The following EPHB2 variants were observed in gnomAD, a reference collection of about 807,000 sequenced individuals.
EPHB2 encodes ephrin type-B receptor 2.
A neutral mutation model predicts 96.4 loss-of-function variants in EPHB2; 18 were observed. The observed-to-expected ratio is 0.19, with a 90% CI of 0.13 to 0.28. The LOEUF (loss-of-function observed/expected upper bound fraction) is 0.28, where lower values mean the gene tolerates loss of function less well. Among genes scored for constraint, EPHB2 ranks in the 10% least tolerant of loss-of-function variants. The pLI is 1.00. For synonymous variants in EPHB2, 506 were observed against 534.1 expected (o/e 0.95, Z 0.72); for missense variants, 989 against 1,355.4 (o/e 0.73, Z 4.25).
In EPHB2 at chr1:22,730,569, A is replaced by G. The variant is rs138033614; in HGVS notation, c.61+19526A>G. Among the ~76,000 whole-genome samples the G allele has an allele frequency of 7.8e-4, 118 of 152,186 alleles. No homozygotes were observed. The East Asian group carries it at 0.019, about 25-fold the overall frequency. ...GGGAGGGCCAGCGAGAGGAGGGATCAGGAAGGCCTTTCTGAGGAGGTGACG... is the reference window on the plus strand; with the variant it reads ...GGGAGGGCCAGCGAGAGGAGGGATCGGGAAGGCCTTTCTGAGGAGGTGACG... On this transcript the variant is annotated intron_variant, in intron 1 of 15. Coordinates refer to ENST00000374630, the MANE Select transcript of EPHB2 (RefSeq NM_017449.5).
intron 1 of EPHB2, among the ~76,000 whole-genome samples, chr1:22,766,651 G>A (rs1412785498): frequency 1.3e-5 from 2 of 152,124 alleles, no homozygotes; most frequent in Non-Finnish European, 2.9e-5. Flanking sequence ...GGAAGGAGTT[G>A]GGAGCCCATC....
rs187669832 is a variant in EPHB2 at position 22,858,540 on chromosome 1, G to T, written c.812-4497G>T. 6.6e-6 allele frequency among the ~76,000 whole-genome samples: 1 copy of T among 152,110 alleles called. No homozygotes were observed. The highest frequency in any genetic ancestry group is 1.5e-5 in the Non-Finnish European group (1 of 68,008). ...GGAGGAGGCCTTCCCAAGCCCACAC[G>T]CCCGTCAGAGGTACAACTGCCTTCC... is the stretch of plus-strand genomic sequence containing the variant. On this transcript the variant is annotated intron_variant, in intron 3 of 15. Transcript: ENST00000374630. The surrounding 1 kb of genome is among the most constrained non-coding windows in gnomAD (Gnocchi z 7.7).
chr1:22,821,834 C>T (rs1440211649), intron 3 of EPHB2, among the ~76,000 whole-genome samples: 2 of 152,116 alleles, frequency 1.3e-5, no homozygotes, highest in Non-Finnish European at 2.9e-5. Context: ...CTTTCCTGCT[C>T]GGACAGTCAG....
intron 3 of EPHB2, among the ~76,000 whole-genome samples, chr1:22,849,570 G>A (rs1409919292): frequency 5.3e-5 from 8 of 152,164 alleles, no homozygotes; most frequent in Non-Finnish European, 1.0e-4. Flanking sequence ...GCGGACCAGG[G>A]GATCCATATA....
intron 3 of EPHB2, among the ~76,000 whole-genome samples, chr1:22,843,680 A>G (rs1177615575): frequency 6.6e-6 from 1 of 152,196 alleles, no homozygotes; most frequent in Non-Finnish European, 1.5e-5. Flanking sequence ...AGCTGGGATT[A>G]CAGCCACCTG....
chr1:22,891,740 G>C (rs146567935), intron 6 of EPHB2, among the ~76,000 whole-genome samples: 85 of 152,052 alleles, frequency 5.6e-4, no homozygotes, highest in African/African-American at 1.9e-3. Flanking sequence ...GTACCCAAAG[G>C]CATGGACATT....
chr1:22,895,909 T>G (rs1235759731), intron 8 of EPHB2, among the ~76,000 whole-genome samples: 1 of 152,224 alleles, frequency 6.6e-6, no homozygotes, highest in Non-Finnish European at 1.5e-5. Flanking sequence ...ATTGTCCTGC[T>G]TTCTGCATGA....
chr1:22,913,996 G>A lies in EPHB2; in HGVS notation c.*426G>A. On this transcript the variant is annotated 3_prime_UTR_variant, in exon 16 of 16. Transcript: ENST00000374630. This position sits in a 1 kb window ranked among gnomAD's most constrained non-coding sequence, Gnocchi z 4.1. ...CTTTCAGAAAAACAAATGTGAAGGG[G>A]AGAGACAGGGGCCGCCCTTGGCTCC... is the stretch of plus-strand genomic sequence containing the variant. 7.6e-7 allele frequency: 1 copy of A among 1,311,316 alleles called. No homozygotes were observed. Among genetic ancestry groups the A allele is most frequent in the Middle Eastern group, 2.3e-4 (1 of 4,434 alleles). The allele number at this position is 1,311,316 out of a possible 1,614,324, so 81.2% of individuals were successfully genotyped here.
chr1:22,719,799 G>A (rs572907255), intron 1 of EPHB2, among the ~76,000 whole-genome samples: 6 of 152,304 alleles, frequency 3.9e-5, no homozygotes, highest in Non-Finnish European at 1.5e-5. Flanking sequence ...GGCAAGGGAA[G>A]GGAGAGCTAC....
chr1:22,804,643 C>T (rs866058088), intron 3 of EPHB2, among the ~76,000 whole-genome samples: 42 of 151,586 alleles, frequency 2.8e-4, no homozygotes, highest in Admixed American at 2.0e-4. Flanking sequence ...CCAGGTCAGG[C>T]TTCTCTGGGC....
At chr1:22,871,412 A>G (rs1299619609) in intron 5 of EPHB2, among the ~76,000 whole-genome samples, 1 of 152,198 alleles carries the variant, frequency 6.6e-6, no homozygotes, top group East Asian at 1.9e-4. Flanking sequence ...TGTTGCAGAA[A>G]GGGCATCAGA....
chr1:22,791,053 C>G (rs1341079404), intron 3 of EPHB2, among the ~76,000 whole-genome samples: 1 of 152,222 alleles, frequency 6.6e-6, no homozygotes, highest in Non-Finnish European at 1.5e-5. Flanking sequence ...CTCTCCCAAC[C>G]TTTGTTTTCT....
intron 3 of EPHB2, among the ~76,000 whole-genome samples, chr1:22,800,800 T>A (rs1170591994): frequency 6.6e-6 from 1 of 151,082 alleles, no homozygotes; most frequent in East Asian, 1.9e-4. Context: ...ACACACACTC[T>A]CTCTCTCTTT....
chr1:22,760,086 C>G (rs574621475), intron 1 of EPHB2, among the ~76,000 whole-genome samples: 1 of 152,268 alleles, frequency 6.6e-6, no homozygotes, highest in Non-Finnish European at 1.5e-5. Context: ...CACAAGTCAC[C>G]CATTTTACAG....
At chr1:22,810,898 C>T (rs1644993542) in intron 3 of EPHB2, among the ~76,000 whole-genome samples, 1 of 152,158 alleles carries the variant, frequency 6.6e-6, no homozygotes, top group Non-Finnish European at 1.5e-5. Context: ...CTGGCAGCCC[C>T]AAGTCCCCCT....
chr1:22,881,103 G>A (rs981851260), intron 5 of EPHB2, among the ~76,000 whole-genome samples: 19 of 151,980 alleles, frequency 1.3e-4, no homozygotes, highest in African/African-American at 2.4e-4. Context: ...GCGAAACCCC[G>A]CCTCTACAAA....
intron 1 of EPHB2, among the ~76,000 whole-genome samples, chr1:22,754,820 G>T (rs1468871585): frequency 3.3e-3 from 23 of 7,068 alleles, no homozygotes; most frequent in Middle Eastern, 0.056. Context: ...GCAGGGGAAG[G>T]GAGGTGAGGG....
At chr1:22,852,902 G>A (rs1645644046) in intron 3 of EPHB2, among the ~76,000 whole-genome samples, 1 of 152,218 alleles carries the variant, frequency 6.6e-6, no homozygotes, top group Admixed American at 6.5e-5. Flanking sequence ...AGGGGAGATG[G>A]GAGGTGGAGA....
intron 3 of EPHB2, among the ~76,000 whole-genome samples, chr1:22,799,380 C>T (rs992935700): frequency 3.3e-5 from 5 of 152,210 alleles, no homozygotes; most frequent in African/African-American, 4.8e-5. Context: ...GGTTCAAATA[C>T]TGGCTCTGAC....
Sources: allele counts gnomAD v4.1 joint callset (sites outside exome capture counted in the v4.1 genomes callset), GRCh38; gene constraint gnomAD v4.1.1; non-coding constraint Gnocchi (gnomAD v3.1); transcripts MANE v1.5; gene names NCBI Gene and HGNC (gene_info 2026-07-23, HGNC 2026-07-21).